Variants in AMZ1 observed in about 807,000 individuals in gnomAD.
The protein encoded by AMZ1 is archaelysin family metallopeptidase 1.
Under a neutral mutation model 29.9 loss-of-function variants are expected in AMZ1, and 39 were observed. That is an observed-to-expected ratio of 1.30 (90% CI 1.01 to 1.70). The LOEUF (loss-of-function observed/expected upper bound fraction) is 1.70. AMZ1 is among the 40% of genes most tolerant of loss of function. The pLI is 0.00. For synonymous variants in AMZ1, 458 were observed against 304.0 expected (o/e 1.51, Z -5.27); for missense variants, 1,041 against 680.6 (o/e 1.53, Z -5.89).
At chr7:2,708,965 T>G (rs779929480) in intron 4 of AMZ1, 110 bp from the exon 5 acceptor site, 2 of 1,368,084 alleles carry the variant, frequency 1.5e-6, no homozygotes, top group African/African-American at 1.5e-5. Context: ...AGGACTGGTA[T>G]GTCTTTGGGC....
chr7:2,698,039 G>T (rs1485027254), intron 1 of AMZ1, among the ~76,000 whole-genome samples: 3 of 152,112 alleles, frequency 2.0e-5, no homozygotes, highest in African/African-American at 7.2e-5. Context: ...ATTTATTTAT[G>T]TATTCACATA....
At chr7:2,749,966 A>G (rs560768761) in intron 4 of AMZ1, among the ~76,000 whole-genome samples, 1 of 152,264 alleles carries the variant, frequency 6.6e-6, no homozygotes, top group Non-Finnish European at 1.5e-5. Flanking sequence ...GAGAACAAAG[A>G]GAGTGGGGCA....
rs1789901026 is a variant in AMZ1, at chr7:2,731,599, T to C, written n.550+21783T>C. ...CATGAACAGGATGGACGTGATCCCG[T>C]CGAAGCACTGGAACCACTTCTGGCG... On this transcript the variant is annotated intron_variant and non_coding_transcript_variant, in intron 4 of 4. Transcript: ENST00000489665. This position sits in a 1 kb window ranked among gnomAD's most constrained non-coding sequence, Gnocchi z 6.0. 6.2e-7 allele frequency: 1 copy of C among 1,613,766 alleles called. No individual in the cohort carries two copies.
downstream of AMZ1, among the ~76,000 whole-genome samples, chr7:2,723,165 A>G (rs1789491665): frequency 6.6e-6 from 1 of 152,228 alleles, no homozygotes; most frequent in African/African-American, 2.4e-5. Context: ...TTGACTCCTA[A>G]TAAGAAAGCA....
intron 6 of AMZ1, among the ~76,000 whole-genome samples, chr7:2,710,351 CTCTGAGT>C (rs1788692915): frequency 6.6e-6 from 1 of 152,266 alleles, no homozygotes; most frequent in Non-Finnish European, 1.5e-5. Flanking sequence ...AAAAGCTTTA[CTCTGAGT>C]TCTGAGTGCA....
At chr7:2,695,277 C>T (rs950699580) in intron 1 of AMZ1, among the ~76,000 whole-genome samples, 11 of 152,164 alleles carry the variant, frequency 7.2e-5, no homozygotes, top group Admixed American at 2.6e-4. Flanking sequence ...GCCCTGTGCA[C>T]TCCAGGAGTC....
In AMZ1 at chr7:2,700,735, A is replaced by G; in HGVS notation, c.284A>G (p.His95Arg). ...QHRKPRLARK[H>R]IYLQPIDLSE... The stretch of plus-strand genomic sequence containing the variant: ...CGGAAGCCCCGCCTGGCTCGGAAGC[A>G]CATCTACCTACAGCCGATAGGTACG... Residue 95 changes from histidine to arginine, a missense_variant, in exon 2 of 7, where the codon CAC becomes CGC. By Grantham distance (29) the His-to-Arg change is conservative. Transcript: ENST00000683327. 6.2e-7 allele frequency: 1 copy of G among 1,612,816 alleles called. No homozygotes were observed. The highest frequency in any genetic ancestry group is 2.2e-5 in the East Asian group (1 of 44,882).
chr7:2,708,550 C>T lies in AMZ1; in HGVS notation c.473-38C>T, dbSNP rs1415513699. On this transcript the variant is annotated intron_variant, in intron 3 of 6. Coordinates refer to ENST00000683327, the MANE Select transcript of AMZ1 (RefSeq NM_001384743.1). ...GAGCCTGGAAGATGGGGGTCCCCGG[C>T]TGCCTCCTGACCCCATCCTCTGGCC... 4 of 1,608,540 alleles carry T rather than the reference C, an allele frequency of 2.5e-6. No homozygotes were observed. The African/African-American group carries it at 4.0e-5, about 16-fold the overall frequency.
intron 3 of AMZ1, 139 bp from the exon 4 acceptor site, chr7:2,708,449 A>T: frequency 7.5e-7 from 1 of 1,335,522 alleles, no homozygotes; most frequent in Admixed American, 2.2e-5. Context: ...AGGTCACACC[A>T]AACGCTGGTG....
Position 2,717,920 on chromosome 7 carries a change from G to T in AMZ1, c.*5042G>T, listed in dbSNP as rs527948319. Among the ~76,000 whole-genome samples the T allele has an allele frequency of 1.6e-4, 24 of 152,286 alleles. No homozygotes were observed. Among genetic ancestry groups the T allele is most frequent in the African/African-American group, 5.3e-4 (22 of 41,550 alleles). On this transcript the variant is annotated 3_prime_UTR_variant, in exon 7 of 7. Coordinates refer to ENST00000683327, the MANE Select transcript of AMZ1 (RefSeq NM_001384743.1). ...CACGCGTTCAGTCCAACTCTTCCCC[G>T]CTGCAGTGTTCCCGTGACGATGAGG...
Position 2,709,067 on chromosome 7 carries a change from C to T in AMZ1, c.602-8C>T. 3 of 1,569,452 alleles carry T rather than the reference C, an allele frequency of 1.9e-6. No homozygotes were observed. Among genetic ancestry groups the T allele is most frequent in the African/African-American group, 1.4e-5 (1 of 73,194 alleles). On this transcript the variant is annotated splice_polypyrimidine_tract_variant and splice_region_variant and intron_variant, in intron 4 of 6. Transcript: ENST00000683327. ...CCTGAGAGTGCCCTTCTCTCCATCT[C>T]TCTCCAGAAGTGGGCGTCTGCAGCT...
At chr7:2,688,199 C>T (rs1316418150), upstream of AMZ1, 2 of 152,344 alleles carry the variant, frequency 1.3e-5, no homozygotes, top group Non-Finnish European at 1.5e-5. Flanking sequence ...ACCGGGACCT[C>T]CCGATCCTCC....
Position 2,737,269 on chromosome 7 carries a change from G to GTTTTTTTTTTTTTTTTTTTTTT in AMZ1, n.551-27439_551-27438insTTTTTTTTTTTTTTTTTTTTTT, listed in dbSNP as rs1317020597. ...CATTCAGGAGCTATCTCACAGTTTT[G>GTTTTTTTTTTTTTTTTTTTTTT]TTTTGTTTTTTTTTTTTTTGTTTTT... On this transcript the variant is annotated intron_variant and non_coding_transcript_variant, in intron 4 of 4. Coordinates refer to the AMZ1 transcript ENST00000489665. Among the ~76,000 whole-genome samples, 7 of 38,104 alleles carry GTTTTTTTTTTTTTTTTTTTTTT rather than the reference G, an allele frequency of 1.8e-4. 1 individual carries two copies. Among genetic ancestry groups the GTTTTTTTTTTTTTTTTTTTTTT allele is most frequent in the African/African-American group, 4.7e-4 (5 of 10,680 alleles). The allele number at this position is 38,104 out of a possible 152,430, so 25.0% of individuals were successfully genotyped here.
downstream of AMZ1, among the ~76,000 whole-genome samples, chr7:2,722,349 T>C (rs3196617): frequency 6.6e-6 from 1 of 151,888 alleles, no homozygotes; most frequent in Non-Finnish European, 1.5e-5. Flanking sequence ...CTCGGCTCAC[T>C]GCAAGCTCTG....
At chr7:2,687,001 C>T (rs1436449922), upstream of AMZ1, among the ~76,000 whole-genome samples, 1 of 151,880 alleles carries the variant, frequency 6.6e-6, no homozygotes, top group African/African-American at 2.4e-5. Flanking sequence ...GCATGAGCCA[C>T]CACGCCCAGC....
Position 2,745,864 on chromosome 7 carries a change from G to A in AMZ1, n.551-18848G>A, listed in dbSNP as rs1352292960. Among the ~76,000 whole-genome samples, 5 of 152,198 alleles carry A rather than the reference G, an allele frequency of 3.3e-5. No homozygotes were observed. In the East Asian group the frequency reaches 9.6e-4, roughly 29 times the overall value. ...TGGAAAACAGAAAAACGCAGGGGTT[G>A]CAATCCTAGTCTCTGATAAAACAGA... On this transcript the variant is annotated intron_variant and non_coding_transcript_variant, in intron 4 of 4. Transcript: ENST00000489665.
intron 4 of AMZ1, chr7:2,729,058 T>C (rs149642444): frequency 3.4e-4 from 52 of 152,526 alleles, no homozygotes; most frequent in Non-Finnish European, 6.0e-4. Flanking sequence ...CAAGCACTCA[T>C]TGACAAGGCC....
At chr7:2,711,045 C>G (rs181197794) in intron 6 of AMZ1, among the ~76,000 whole-genome samples, 5 of 152,206 alleles carry the variant, frequency 3.3e-5, no homozygotes, top group African/African-American at 7.2e-5. Context: ...ATGCCCCTCC[C>G]TACACGTGCT....
Position 2,711,109 on chromosome 7 carries a change from C to T in AMZ1, c.949-1221C>T, listed in dbSNP as rs917405616. ...TCTGAGCTGGAGGGTGTAGCTCCTC[C>T]TCCTGCCCAGAGCTCTCTCCGTTCC... On this transcript the variant is annotated intron_variant, in intron 6 of 6. Coordinates refer to ENST00000683327, the MANE Select transcript of AMZ1 (RefSeq NM_001384743.1). Among the ~76,000 whole-genome samples, 3 of 152,220 alleles carry T rather than the reference C, an allele frequency of 2.0e-5. No homozygotes were observed. The South Asian group carries it at 6.2e-4, about 32-fold the overall frequency.
Sources: gnomAD v4.1 joint callset for allele counts (sites outside exome capture counted in the v4.1 genomes callset) on GRCh38, gnomAD v4.1.1 for gene constraint, Gnocchi (gnomAD v3.1) non-coding constraint, MANE v1.5 for transcripts, NCBI Gene and HGNC (gene_info 2026-07-23, HGNC 2026-07-21) for gene names.